CPED1: variants seen among roughly 807,000 people sequenced by gnomAD.
CPED1 encodes cadherin like and PC-esterase domain containing 1.
A neutral mutation model predicts 128.2 loss-of-function variants in CPED1; 114 were observed. The ratio of observed to expected loss-of-function variants is 0.89; its 90% CI spans 0.76 to 1.04. CPED1 has a LOEUF of 1.04. Among genes scored for constraint, CPED1 ranks in the 50% least tolerant of loss-of-function variants. The pLI is 0.00. For synonymous variants in CPED1, 462 were observed against 426.7 expected (o/e 1.08, Z -1.02); for missense variants, 1,211 against 1,207.1 (o/e 1.00, Z -0.05).
intron 16 of CPED1, among the ~76,000 whole-genome samples, chr7:121,218,282 C>T (rs1461650143): frequency 1.3e-5 from 2 of 151,492 alleles, no homozygotes; most frequent in Non-Finnish European, 2.9e-5. Context: ...TGGCAAAAAT[C>T]GCAATTACTT....
intron 7 of CPED1, among the ~76,000 whole-genome samples, chr7:121,114,726 G>A (rs1332104503): frequency 2.6e-5 from 4 of 152,138 alleles, no homozygotes; most frequent in Admixed American, 6.5e-5. Flanking sequence ...ATAGTCAAAG[G>A]CCTTGGCCAT....
At chr7:121,007,177 A>T (rs894753306) in intron 2 of CPED1, among the ~76,000 whole-genome samples, 1 of 150,842 alleles carries the variant, frequency 6.6e-6, no homozygotes, top group Admixed American at 6.6e-5. Flanking sequence ...AGCTATACCC[A>T]GCATGATTCT....
chr7:121,022,686 A>G (rs1275316250), intron 3 of CPED1, among the ~76,000 whole-genome samples: 1 of 152,070 alleles, frequency 6.6e-6, no homozygotes, highest in Non-Finnish European at 1.5e-5. Flanking sequence ...AGTGTGACAC[A>G]GTGTTGCCTA....
At chr7:121,065,891 T>C (rs567895138) in intron 5 of CPED1, among the ~76,000 whole-genome samples, 1 of 152,272 alleles carries the variant, frequency 6.6e-6, no homozygotes, top group East Asian at 1.9e-4. Context: ...AATGGAATTA[T>C]TTCTACCATC....
chr7:121,161,630 A>G lies in CPED1; in HGVS notation c.2055+19489A>G, dbSNP rs143792540. Among the ~76,000 whole-genome samples the G allele has an allele frequency of 7.6e-4, 116 of 152,356 alleles. 2 individuals are homozygous for G. In the East Asian group the frequency reaches 0.018, roughly 24 times the overall value. On this transcript the variant is annotated intron_variant, in intron 16 of 22. Transcript: ENST00000310396. ...GGATATACATCAAGGGCCAGGAAGAATAAGAGCTATCTCAGAATTAGACCT... is the reference window on the plus strand; with the variant it reads ...GGATATACATCAAGGGCCAGGAAGAGTAAGAGCTATCTCAGAATTAGACCT...
At chr7:121,237,339 AC>A (rs1467178370) in intron 17 of CPED1, among the ~76,000 whole-genome samples, 2 of 152,308 alleles carry the variant, frequency 1.3e-5, no homozygotes, top group East Asian at 3.9e-4. Context: ...GAACCAAAGA[AC>A]TGCAAAGTAT....
chr7:120,995,734 G>T (rs1049073850), intron 2 of CPED1, among the ~76,000 whole-genome samples: 1 of 151,964 alleles, frequency 6.6e-6, no homozygotes, highest in Non-Finnish European at 1.5e-5. Context: ...GATATTTCTT[G>T]CTTCTTCCCT....
intron 2 of CPED1, among the ~76,000 whole-genome samples, chr7:121,002,447 C>A (rs974248301): frequency 6.6e-6 from 1 of 152,180 alleles, no homozygotes; most frequent in African/African-American, 2.4e-5. Flanking sequence ...ACTCCCCTCT[C>A]TGTTATTATC....
At chr7:121,022,656 G>T (rs1211840111) in intron 3 of CPED1, among the ~76,000 whole-genome samples, 2 of 151,950 alleles carry the variant, frequency 1.3e-5, no homozygotes, top group Admixed American at 1.3e-4. Flanking sequence ...ATTTACTGAA[G>T]GTTCAATAGC....
At chr7:120,990,360 G>A (rs1046586835) in intron 2 of CPED1, among the ~76,000 whole-genome samples, 29 of 152,014 alleles carry the variant, frequency 1.9e-4, no homozygotes, top group African/African-American at 6.8e-4. Context: ...CATTTCTAAA[G>A]CAATATATTT....
intron 16 of CPED1, among the ~76,000 whole-genome samples, chr7:121,162,463 T>TC (rs1584559833): frequency 6.6e-6 from 1 of 152,208 alleles, no homozygotes; most frequent in African/African-American, 2.4e-5. Flanking sequence ...TCTGATATAA[T>TC]CCAATGCACT....
At chr7:121,276,445 G>T (rs1277971852) in intron 22 of CPED1, among the ~76,000 whole-genome samples, 1 of 151,926 alleles carries the variant, frequency 6.6e-6, no homozygotes, top group African/African-American at 2.4e-5. Flanking sequence ...TTTATTTTGT[G>T]GTCCAGTTCT....
chr7:121,023,704 T>C (rs1792499171), intron 3 of CPED1, among the ~76,000 whole-genome samples: 2 of 152,142 alleles, frequency 1.3e-5, no homozygotes, highest in Non-Finnish European at 2.9e-5. Context: ...CTTGGACTAA[T>C]AGTGCACATT....
At chr7:121,112,202 C>T (rs1428189250) in intron 7 of CPED1, among the ~76,000 whole-genome samples, 1 of 152,102 alleles carries the variant, frequency 6.6e-6, no homozygotes, top group Non-Finnish European at 1.5e-5. Context: ...GAATGGCTGT[C>T]CCCATAAGGA....
chr7:121,068,149 T>G (rs1793892927), intron 5 of CPED1, among the ~76,000 whole-genome samples: 1 of 152,254 alleles, frequency 6.6e-6, no homozygotes, highest in South Asian at 2.1e-4. Context: ...TTGGCTTTTG[T>G]TGCCATTGCT....
At chr7:121,254,216 C>T (rs1464162504) in intron 18 of CPED1, among the ~76,000 whole-genome samples, 2 of 152,026 alleles carry the variant, frequency 1.3e-5, no homozygotes, top group African/African-American at 4.8e-5. Flanking sequence ...CACATTCTCA[C>T]ACCACAGTAC....
chr7:121,016,893 A>G (rs926261112), intron 3 of CPED1, among the ~76,000 whole-genome samples: 2 of 152,214 alleles, frequency 1.3e-5, no homozygotes, highest in Admixed American at 6.5e-5. Flanking sequence ...TTGGGGGAGA[A>G]GAGTCAGATC....
chr7:121,067,317 A>G (rs1178144845), intron 5 of CPED1, among the ~76,000 whole-genome samples: 2 of 151,062 alleles, frequency 1.3e-5, no homozygotes, highest in African/African-American at 2.4e-5. Context: ...TCCTGTGTCC[A>G]TGTGTTCTCA....
intron 2 of CPED1, among the ~76,000 whole-genome samples, chr7:121,012,734 G>T (rs372693072): frequency 1.3e-5 from 2 of 152,172 alleles, no homozygotes; most frequent in East Asian, 3.8e-4. Flanking sequence ...ATAATACAAC[G>T]TAATTCTACT....
Sources: gnomAD v4.1 joint callset for allele counts (sites outside exome capture counted in the v4.1 genomes callset) on GRCh38, gnomAD v4.1.1 for gene constraint, MANE v1.5 for transcripts, NCBI Gene and HGNC (gene_info 2026-07-23, HGNC 2026-07-21) for gene names.